ZFP90: variants seen among roughly 807,000 people sequenced by gnomAD.
The protein encoded by ZFP90 is zinc finger protein 90 homolog.
Under a neutral mutation model 60.8 loss-of-function variants are expected in ZFP90, and 38 were observed. That is an observed-to-expected ratio of 0.62 (90% CI 0.48 to 0.82). The LOEUF is 0.82. Ranked by LOEUF, ZFP90 falls within the 40% of genes least tolerant of loss-of-function variation. The pLI is 0.00. For synonymous variants in ZFP90, 287 were observed against 264.8 expected (o/e 1.08, Z -0.82); for missense variants, 711 against 759.1 (o/e 0.94, Z 0.74).
At chr16:68,557,336 G>A (rs2091361504) in intron 2 of ZFP90, 1 of 450,320 alleles carries the variant, frequency 2.2e-6, no homozygotes. Context: ...TATTAATACG[G>A]CGAGGTGTTG....
At chr16:68,549,041 C>G (rs946447254) in intron 2 of ZFP90, among the ~76,000 whole-genome samples, 1 of 152,132 alleles carries the variant, frequency 6.6e-6, no homozygotes, top group South Asian at 2.1e-4. Flanking sequence ...TCCATTCACT[C>G]AGCAGACGTG....
At chr16:68,555,229 C>T (rs769659500) in intron 2 of ZFP90, 3 of 152,210 alleles carry the variant, frequency 2.0e-5, no homozygotes, top group Non-Finnish European at 4.4e-5. Flanking sequence ...TAAACTGAAC[C>T]GTATTCAAGG....
upstream of ZFP90, chr16:68,535,446 G>A (rs867073043): frequency 9.9e-5 from 15 of 152,240 alleles, no homozygotes; most frequent in African/African-American, 3.4e-4. Flanking sequence ...TAGATACCCT[G>A]CTTTGGATGG....
chr16:68,562,921 A>G, intron 4 of ZFP90, 123 bp from the exon 5 acceptor site: 3 of 1,545,256 alleles, frequency 1.9e-6, no homozygotes, highest in Non-Finnish European at 2.6e-6. Context: ...TCGTCTTCTC[A>G]GGATACAGGA....
In ZFP90 at chr16:68,566,489, T is replaced by G. The variant is rs2091529687; in HGVS notation, c.*1791T>G. The stretch of plus-strand genomic sequence containing the variant: ...GATGGCATGCAGCAGCACCCAAGTA[T>G]TCTTCATTCTTTGCAGGGAAAAAAT... On this transcript the variant is annotated 3_prime_UTR_variant, in exon 5 of 5. Transcript: ENST00000563169. 1.3e-5 allele frequency: 13 copies of G among 985,442 alleles called. No homozygotes were observed. The highest frequency in any genetic ancestry group is 1.7e-5 in the African/African-American group (1 of 57,242). The allele number at this position is 985,442 out of a possible 1,614,324, so 61.0% of individuals were successfully genotyped here.
At position 68,539,837 on chromosome 16, in the gene ZFP90, G is replaced by C. The variant is rs762809577; in HGVS notation, c.33+12G>C. ...CCGCCGCGCCCCAGGTGAGCAACGCGTTCCTAACCTCCTGGGCATCCCATC... is the reference window on the plus strand; with the variant it reads ...CCGCCGCGCCCCAGGTGAGCAACGCCTTCCTAACCTCCTGGGCATCCCATC... On this transcript the variant is annotated intron_variant, in intron 2 of 4. Coordinates refer to ENST00000563169, the MANE Select transcript of ZFP90 (RefSeq NM_001305203.2). 2 of 1,606,376 alleles carry C rather than the reference G, an allele frequency of 1.2e-6. No homozygotes were observed. Among genetic ancestry groups the C allele is most frequent in the African/African-American group, 1.3e-5 (1 of 74,974 alleles).
chr16:68,564,043 G>A lies in ZFP90; in HGVS notation c.1256G>A (p.Gly419Asp). The change falls in exon 5 of 5, where the codon GGC (glycine) becomes GAC (aspartate). Residue 419 changes from glycine to aspartate, a missense_variant. By Grantham distance (94) the Gly-to-Asp change is moderately conservative. Transcript: ENST00000563169. ...LYKHMRIHKRGKPYQSSNYSI... is the reference protein window; with the variant it reads ...LYKHMRIHKRDKPYQSSNYSI... ...AAACATATGAGGATTCATAAGAGAGGCAAACCTTACCAAAGCAGTAACTAC... is the reference window on the plus strand; with the variant it reads ...AAACATATGAGGATTCATAAGAGAGACAAACCTTACCAAAGCAGTAACTAC... 1.2e-6 allele frequency: 2 copies of A among 1,613,966 alleles called. No homozygotes were observed. The highest frequency in any genetic ancestry group is 1.7e-6 in the Non-Finnish European group (2 of 1,179,994).
intron 2 of ZFP90, among the ~76,000 whole-genome samples, chr16:68,544,010 G>T (rs950339382): frequency 1.3e-5 from 2 of 151,688 alleles, no homozygotes; most frequent in African/African-American, 4.8e-5. Flanking sequence ...GCACCACCAC[G>T]CCCGGCTAAT....
chr16:68,541,859 T>C (rs1051194128), intron 2 of ZFP90, among the ~76,000 whole-genome samples: 1 of 152,184 alleles, frequency 6.6e-6, no homozygotes, highest in Non-Finnish European at 1.5e-5. Flanking sequence ...AGTGGATTCA[T>C]GTTCTGAGCA....
At chr16:68,541,621 T>G (rs1030562482) in intron 2 of ZFP90, among the ~76,000 whole-genome samples, 1 of 152,006 alleles carries the variant, frequency 6.6e-6, no homozygotes, top group Admixed American at 6.6e-5. Context: ...TATATATACT[T>G]CTTATTATAT....
At chr16:68,541,805 C>T (rs2091055065) in intron 2 of ZFP90, among the ~76,000 whole-genome samples, 1 of 152,128 alleles carries the variant, frequency 6.6e-6, no homozygotes, top group Non-Finnish European at 1.5e-5. Flanking sequence ...TCATCAGGGA[C>T]TCTGGTCTTT....
intron 2 of ZFP90, among the ~76,000 whole-genome samples, chr16:68,543,060 A>G (rs966434922): frequency 7.2e-5 from 11 of 152,126 alleles, no homozygotes; most frequent in African/African-American, 2.7e-4. Flanking sequence ...TCGGGGTGCA[A>G]TTTAAAATGA....
chr16:68,558,184 A>G (rs760769808), intron 3 of ZFP90, 60 bp downstream of exon 3: 46 of 1,599,640 alleles, frequency 2.9e-5, no homozygotes, highest in Middle Eastern at 1.7e-4. Flanking sequence ...CTTGGTTGCT[A>G]TAGTGGTGGT....
chr16:68,545,067 G>A (rs1330257008), intron 2 of ZFP90, among the ~76,000 whole-genome samples: 8 of 151,902 alleles, frequency 5.3e-5, no homozygotes, highest in African/African-American at 1.7e-4. Flanking sequence ...TTTTAGTAGA[G>A]ATGGGGTTTC....
intron 1 of ZFP90, chr16:68,533,633 A>T (rs2090941680): frequency 6.6e-6 from 1 of 152,126 alleles, no homozygotes; most frequent in Non-Finnish European, 1.5e-5. Context: ...ATGAAGATAT[A>T]ATTCTAGCTG....
chr16:68,534,810 G>C (rs894498022), upstream of ZFP90, among the ~76,000 whole-genome samples: 4 of 151,900 alleles, frequency 2.6e-5, no homozygotes, highest in African/African-American at 4.8e-5. Flanking sequence ...GAGAGGCTGA[G>C]GCAGGAGAAT....
intron 4 of ZFP90, among the ~76,000 whole-genome samples, chr16:68,560,999 A>G (rs1306534235): frequency 2.0e-5 from 3 of 151,362 alleles, no homozygotes; most frequent in Non-Finnish European, 1.5e-5. Flanking sequence ...GGTTCAAGCA[A>G]TGCTCCTGCC....
Position 68,565,289 on chromosome 16 carries a change from T to C in ZFP90, c.*591T>C. 1 of 985,562 alleles carries C rather than the reference T, an allele frequency of 1.0e-6. No individual in the cohort carries two copies. Among genetic ancestry groups the C allele is most frequent in the South Asian group, 4.7e-5 (1 of 21,290 alleles). 61.1% of individuals were successfully genotyped at this position (985,562 alleles called of 1,614,324 possible). Reference sequence around the variant, plus strand: ...GGTTAAAAATGCAGGTTTCCTGGATTTGGGGCCCCATGGCCTTGCCAGTGA... The same window carrying C: ...GGTTAAAAATGCAGGTTTCCTGGATCTGGGGCCCCATGGCCTTGCCAGTGA... On this transcript the variant is annotated 3_prime_UTR_variant, in exon 5 of 5. Transcript: ENST00000563169.
chr16:68,557,357 T>A (rs184513842), intron 2 of ZFP90: 9 of 444,092 alleles, frequency 2.0e-5, no homozygotes, highest in Admixed American at 1.2e-4. Flanking sequence ...TTGGTTTTAA[T>A]CAGTGGGTAC....
Sources: allele counts gnomAD v4.1 joint callset (sites outside exome capture counted in the v4.1 genomes callset), GRCh38; gene constraint gnomAD v4.1.1; transcripts MANE v1.5; gene names NCBI Gene and HGNC (gene_info 2026-07-23, HGNC 2026-07-21).